The following FUT9 variants were observed in gnomAD, a reference collection of about 807,000 sequenced individuals.
FUT9 encodes fucosyltransferase 9, also known as 4-galactosyl-N-acetylglucosaminide 3-alpha-L-fucosyltransferase 9.
Under a neutral mutation model 29.7 loss-of-function variants are expected in FUT9, and 15 were observed. That is an observed-to-expected ratio of 0.51 (90% CI 0.34 to 0.78). The LOEUF is 0.78. Among genes scored for constraint, FUT9 ranks in the 30% least tolerant of loss-of-function variants. FUT9 has a pLI of 0.01. For missense variants in FUT9, 319 were observed against 425.4 expected, an observed-to-expected ratio of 0.75 and a Z score of 2.20; for synonymous variants, 169 against 153.7, an observed-to-expected ratio of 1.10 and a Z score of -0.74.
At chr6:96,046,283 G>A (rs995376457) in intron 1 of FUT9, among the ~76,000 whole-genome samples, 3 of 151,308 alleles carry the variant, frequency 2.0e-5, no homozygotes, top group African/African-American at 7.3e-5. Flanking sequence ...TTTTCTGAAC[G>A]TATGCAATGC....
Position 96,088,513 on chromosome 6 carries a change from TTC to T in FUT9, c.-97-25522_-97-25521del, listed in dbSNP as rs561497131. ...TTGACATTTCCCCATAGCTGTATGA[TTC>T]TCTGTTTGTTTGTTTTGTGTGTGTG... On this transcript the variant is annotated intron_variant, in intron 1 of 2. Coordinates refer to ENST00000302103, the MANE Select transcript of FUT9 (RefSeq NM_006581.4). 4.1e-3 allele frequency among the ~76,000 whole-genome samples: 615 copies of T among 148,854 alleles called. 2 individuals carry two copies. Among genetic ancestry groups the T allele is most frequent in the Non-Finnish European group, 7.5e-3 (508 of 67,532 alleles).
intron 2 of FUT9, among the ~76,000 whole-genome samples, chr6:96,186,894 T>A (rs1773415346): frequency 6.6e-6 from 1 of 152,134 alleles, no homozygotes; most frequent in Non-Finnish European, 1.5e-5. Flanking sequence ...GAGGGCTATC[T>A]GCTTTACTCA....
At chr6:96,031,119 T>C (rs1363476415) in intron 1 of FUT9, among the ~76,000 whole-genome samples, 1 of 151,520 alleles carries the variant, frequency 6.6e-6, no homozygotes, top group East Asian at 1.9e-4. Context: ...AAATCATGAT[T>C]GGAAGAATGA....
At chr6:96,032,522 T>A (rs1257784692) in intron 1 of FUT9, among the ~76,000 whole-genome samples, 1 of 151,602 alleles carries the variant, frequency 6.6e-6, no homozygotes, top group African/African-American at 2.4e-5. Context: ...ATATTAAATA[T>A]CTGAGTAACT....
In FUT9 at chr6:96,211,054, T is replaced by G. The variant is rs553813953; in HGVS notation, c.*6819T>G. On this transcript the variant is annotated 3_prime_UTR_variant, in exon 3 of 3. Transcript: ENST00000302103. Reference sequence around the variant, plus strand: ...TTTAATTCTAAAACTCTGAAGACATTAAACAGGCAGTTTGTAGGAATCATT... The same window carrying G: ...TTTAATTCTAAAACTCTGAAGACATGAAACAGGCAGTTTGTAGGAATCATT... 8 of 167,012 alleles carry G rather than the reference T, an allele frequency of 4.8e-5. No homozygotes were observed. Among genetic ancestry groups the G allele is most frequent in the African/African-American group, 1.9e-4 (8 of 41,562 alleles). The allele number at this position is 167,012 out of a possible 1,614,324, so 10.3% of individuals were successfully genotyped here. A position where few individuals can be genotyped will look rare whatever the true frequency, so the allele number is the denominator to read the frequency against.
At chr6:96,083,719 C>A (rs1003814194) in intron 1 of FUT9, among the ~76,000 whole-genome samples, 1 of 152,040 alleles carries the variant, frequency 6.6e-6, no homozygotes, top group African/African-American at 2.4e-5. Flanking sequence ...CTTTGACTGC[C>A]AGATCCTCCA....
chr6:96,159,379 A>G (rs1195814792), intron 2 of FUT9, among the ~76,000 whole-genome samples: 2 of 151,986 alleles, frequency 1.3e-5, no homozygotes, highest in African/African-American at 2.4e-5. Context: ...AAAAATTAAG[A>G]GCATCTTTTC....
chr6:96,126,513 G>GCACT (rs374701018), intron 2 of FUT9, among the ~76,000 whole-genome samples: 78 of 152,270 alleles, frequency 5.1e-4, no homozygotes, highest in African/African-American at 1.7e-3. Context: ...GGTCTTCAAA[G>GCACT]CACTCACTCA....
chr6:96,200,870 A>C (rs1444716055), intron 2 of FUT9, among the ~76,000 whole-genome samples: 3 of 152,104 alleles, frequency 2.0e-5, no homozygotes, highest in Non-Finnish European at 2.9e-5. Context: ...GATCAAATGC[A>C]ACTAAACTTC....
chr6:96,070,059 G>C (rs1365147835), intron 1 of FUT9, among the ~76,000 whole-genome samples: 4 of 152,090 alleles, frequency 2.6e-5, no homozygotes, highest in African/African-American at 9.7e-5. Flanking sequence ...ACAAACAATA[G>C]TGAATGAATT....
At chr6:96,102,919 A>G (rs1771612470) in intron 1 of FUT9, among the ~76,000 whole-genome samples, 1 of 152,194 alleles carries the variant, frequency 6.6e-6, no homozygotes, top group African/African-American at 2.4e-5. Flanking sequence ...AATAGACATT[A>G]CATATGGAAA....
At chr6:96,183,308 C>T (rs1773343492) in intron 2 of FUT9, among the ~76,000 whole-genome samples, 1 of 152,014 alleles carries the variant, frequency 6.6e-6, no homozygotes, top group Non-Finnish European at 1.5e-5. Context: ...CATCTGGAAA[C>T]TTTGCTGAAT....
At chr6:96,092,301 A>G (rs1240121661) in intron 1 of FUT9, among the ~76,000 whole-genome samples, 1 of 152,172 alleles carries the variant, frequency 6.6e-6, no homozygotes, top group Non-Finnish European at 1.5e-5. Context: ...CAATTGGAGA[A>G]TGATACTTAT....
intron 1 of FUT9, among the ~76,000 whole-genome samples, chr6:96,112,678 A>G (rs761343405): frequency 6.6e-6 from 1 of 152,202 alleles, no homozygotes; most frequent in Admixed American, 6.5e-5. Context: ...GCGTGTGTGC[A>G]TGGGTGTATG....
chr6:96,214,312 C>CAGT lies in FUT9; in HGVS notation c.*10078_*10079insGTA, dbSNP rs1773995956. On this transcript the variant is annotated 3_prime_UTR_variant, in exon 3 of 3. Transcript: ENST00000302103. ...ACTGAGAATGGTATATCTTTTTATA[C>CAGT]ACTGCCTAAATCAGTACTACTGCCA... 1 of 166,906 alleles carries CAGT rather than the reference C, an allele frequency of 6.0e-6. No individual in the cohort carries two copies. Among genetic ancestry groups the CAGT allele is most frequent in the Non-Finnish European group, 1.5e-5 (1 of 68,048 alleles). The allele number at this position is 166,906 out of a possible 1,614,324, so 10.3% of individuals were successfully genotyped here. A position where few individuals can be genotyped will look rare whatever the true frequency, so the allele number is the denominator to read the frequency against.
At chr6:96,049,971 A>C (rs184906833) in intron 1 of FUT9, among the ~76,000 whole-genome samples, 118 of 152,262 alleles carry the variant, frequency 7.7e-4, no homozygotes, top group Non-Finnish European at 1.0e-3. Flanking sequence ...AAAATTAGAA[A>C]ACTGAAAAAT....
Position 96,204,122 on chromosome 6 carries a change from A to G in FUT9, c.967A>G (p.Thr323Ala). Reference sequence around the variant, plus strand: ...TTACTTTAACTGGAGGAAGGATTTCACTGTAAATCTTCCACGATTTTGGGA... The same window carrying G: ...TTACTTTAACTGGAGGAAGGATTTCGCTGTAAATCTTCCACGATTTTGGGA... The part of the protein sequence containing the change: ...LSYFNWRKDF[T>A]VNLPRFWESH... The change falls in exon 3 of 3, where the codon ACT becomes GCT. Residue 323 changes from threonine to alanine, a missense_variant. Coordinates refer to ENST00000302103, the MANE Select transcript of FUT9 (RefSeq NM_006581.4). The G allele has an allele frequency of 1.3e-6, 2 of 1,500,800 alleles. No individual in the cohort carries two copies. The highest frequency in any genetic ancestry group is 1.8e-6 in the Non-Finnish European group (2 of 1,124,852). 93.0% of individuals were successfully genotyped at this position (1,500,800 alleles called of 1,614,324 possible).
chr6:96,190,089 T>C (rs1773477620), intron 2 of FUT9, among the ~76,000 whole-genome samples: 2 of 152,178 alleles, frequency 1.3e-5, no homozygotes, highest in African/African-American at 4.8e-5. Flanking sequence ...GGAGCTCTTG[T>C]AGGGCAGGCC....
At chr6:96,108,656 A>C (rs538532551) in intron 1 of FUT9, among the ~76,000 whole-genome samples, 2 of 152,288 alleles carry the variant, frequency 1.3e-5, no homozygotes, top group South Asian at 4.1e-4. Context: ...CACAGAGGCC[A>C]ATATGATATT....
Sources: allele counts gnomAD v4.1 joint callset (sites outside exome capture counted in the v4.1 genomes callset), GRCh38; gene constraint gnomAD v4.1.1; transcripts MANE v1.5; gene names NCBI Gene and HGNC (gene_info 2026-07-23, HGNC 2026-07-21).